Variants in DNER observed in about 807,000 individuals in gnomAD.
DNER encodes the protein delta and Notch-like epidermal growth factor-related receptor.
DNER carries 33 observed loss-of-function variants against 78.2 expected under a neutral mutation model. That is an observed-to-expected ratio of 0.42 (90% CI 0.32 to 0.56). The LOEUF (loss-of-function observed/expected upper bound fraction) is 0.56. Ranked by LOEUF, DNER falls within the 20% of genes least tolerant of loss-of-function variation. The pLI, the probability that DNER is intolerant of heterozygous loss-of-function variation, is 0.11. For synonymous variants in DNER, 417 were observed against 384.8 expected (o/e 1.08, Z -0.98); for missense variants, 918 against 975.3 (o/e 0.94, Z 0.78).
chr2:229,549,992 C>G (rs923273417), intron 4 of DNER, among the ~76,000 whole-genome samples: 2 of 151,592 alleles, frequency 1.3e-5, no homozygotes, highest in Non-Finnish European at 2.9e-5. Context: ...TTCCATAGTT[C>G]TATGCTTTTT....
chr2:229,529,106 G>A (rs539970521), intron 5 of DNER, among the ~76,000 whole-genome samples: 1 of 152,236 alleles, frequency 6.6e-6, no homozygotes, highest in East Asian at 1.9e-4. Flanking sequence ...ACTTCTCACA[G>A]TTTCATTTAT....
intron 7 of DNER, among the ~76,000 whole-genome samples, chr2:229,458,045 A>T (rs1694613669): frequency 6.9e-6 from 1 of 145,798 alleles, no homozygotes; most frequent in Non-Finnish European, 1.5e-5. Flanking sequence ...CTAAGGCAGG[A>T]GAATCGCTTA....
intron 1 of DNER, among the ~76,000 whole-genome samples, chr2:229,623,291 G>A (rs560896579): frequency 6.6e-6 from 1 of 152,220 alleles, no homozygotes. Flanking sequence ...AAGTGGTTAA[G>A]AACCAGTGCT....
intron 1 of DNER, among the ~76,000 whole-genome samples, chr2:229,657,144 C>T (rs1381951788): frequency 6.6e-6 from 1 of 152,150 alleles, no homozygotes; most frequent in Admixed American, 6.5e-5. Context: ...TGATCCACGT[C>T]TCCACCTTTC....
chr2:229,376,205 C>T (rs902820970), intron 11 of DNER, among the ~76,000 whole-genome samples: 5 of 152,072 alleles, frequency 3.3e-5, no homozygotes, highest in Non-Finnish European at 5.9e-5. Context: ...ATCAACGAAG[C>T]GATGGTATTA....
At chr2:229,428,074 C>CAA (rs11358575) in intron 8 of DNER, among the ~76,000 whole-genome samples, 2 of 93,136 alleles carry the variant, frequency 2.1e-5, no homozygotes, top group African/African-American at 4.3e-5. Flanking sequence ...GATTCCATCT[C>CAA]AAAAAAAAAA....
At chr2:229,369,713 C>G (rs913775996) in intron 11 of DNER, among the ~76,000 whole-genome samples, 1 of 152,176 alleles carries the variant, frequency 6.6e-6, no homozygotes, top group South Asian at 2.1e-4. Context: ...ACAATGTAAT[C>G]TCTGTGATTG....
intron 5 of DNER, among the ~76,000 whole-genome samples, chr2:229,534,468 A>G (rs1158031872): frequency 1.3e-5 from 2 of 152,280 alleles, no homozygotes; most frequent in African/African-American, 4.8e-5. Context: ...CAGAGTCCAC[A>G]TTGAATTAAC....
intron 1 of DNER, among the ~76,000 whole-genome samples, chr2:229,708,793 G>A (rs1188125122): frequency 6.6e-6 from 1 of 152,192 alleles, no homozygotes; most frequent in Non-Finnish European, 1.5e-5. Flanking sequence ...GAAGAGTGAT[G>A]CCTCCTAAGA....
chr2:229,554,943 AGGG>A (rs1230690796), intron 4 of DNER, among the ~76,000 whole-genome samples: 19 of 74,028 alleles, frequency 2.6e-4, no homozygotes, highest in East Asian at 8.4e-4. Context: ...AAGAGAGAAA[AGGG>A]AAGGGAAGGG....
intron 1 of DNER, among the ~76,000 whole-genome samples, chr2:229,630,810 G>A (rs1485666840): frequency 6.6e-6 from 1 of 151,894 alleles, no homozygotes; most frequent in African/African-American, 2.4e-5. Flanking sequence ...CACTCTTGTA[G>A]TCCCCAATGT....
At chr2:229,361,422 C>T (rs889173413) in intron 12 of DNER, among the ~76,000 whole-genome samples, 1 of 152,184 alleles carries the variant, frequency 6.6e-6, no homozygotes, top group Non-Finnish European at 1.5e-5. Flanking sequence ...CTATAGTCCA[C>T]AGGCCAATTC....
intron 1 of DNER, among the ~76,000 whole-genome samples, chr2:229,697,264 A>T (rs992005548): frequency 7.2e-5 from 11 of 152,248 alleles, no homozygotes; most frequent in African/African-American, 2.4e-4. Flanking sequence ...CACATAATGG[A>T]TTACTCCATT....
intron 1 of DNER, among the ~76,000 whole-genome samples, chr2:229,660,664 C>G (rs1302741751): frequency 6.6e-6 from 1 of 152,166 alleles, no homozygotes; most frequent in African/African-American, 2.4e-5. Context: ...ATTTGCAATG[C>G]AACTGTTACA....
intron 11 of DNER, among the ~76,000 whole-genome samples, chr2:229,367,825 T>C (rs1437438306): frequency 6.6e-6 from 1 of 152,198 alleles, no homozygotes; most frequent in East Asian, 1.9e-4. Context: ...CTAATTAGCA[T>C]ATGCTCTGAC....
chr2:229,703,488 C>A (rs1699782945), intron 1 of DNER, among the ~76,000 whole-genome samples: 1 of 152,154 alleles, frequency 6.6e-6, no homozygotes, highest in Non-Finnish European at 1.5e-5. Flanking sequence ...AGGCAAAGAT[C>A]TCTCAGATAG....
At chr2:229,533,491 C>T (rs534868490) in intron 5 of DNER, among the ~76,000 whole-genome samples, 6 of 152,174 alleles carry the variant, frequency 3.9e-5, no homozygotes, top group Non-Finnish European at 8.8e-5. Context: ...GTCAATTTCA[C>T]CTCGAATGTC....
At chr2:229,642,433 A>G (rs987980545) in intron 1 of DNER, among the ~76,000 whole-genome samples, 1 of 151,444 alleles carries the variant, frequency 6.6e-6, no homozygotes, top group Non-Finnish European at 1.5e-5. Context: ...TACTATGGGA[A>G]AAAAAGCAAA....
intron 1 of DNER, among the ~76,000 whole-genome samples, chr2:229,692,286 C>A (rs1699589789): frequency 6.6e-6 from 1 of 152,182 alleles, no homozygotes; most frequent in South Asian, 2.1e-4. Flanking sequence ...AATTAGATAT[C>A]ACTTGATTGC....
Sources: gnomAD v4.1 joint callset for allele counts (sites outside exome capture counted in the v4.1 genomes callset) on GRCh38, gnomAD v4.1.1 for gene constraint, MANE v1.5 for transcripts, NCBI Gene and HGNC (gene_info 2026-07-23, HGNC 2026-07-21) for gene names.